The following OPCML variants were observed in gnomAD, a reference collection of about 807,000 sequenced individuals.
OPCML encodes the protein opioid binding protein/cell adhesion molecule like.
Under a neutral mutation model 37.8 loss-of-function variants are expected in OPCML, and 13 were observed. The observed-to-expected ratio is 0.34, with a 90% confidence interval of 0.22 to 0.55. OPCML has a LOEUF of 0.55. OPCML is among the 20% of genes least tolerant of loss of function. OPCML has a pLI of 0.91. For synonymous variants in OPCML, 176 were observed against 168.8 expected (o/e 1.04, Z -0.33); for missense variants, 341 against 435.6 (o/e 0.78, Z 1.93).
At chr11:133,514,800 C>A (rs961898720) in intron 1 of OPCML, among the ~76,000 whole-genome samples, 1 of 152,164 alleles carries the variant, frequency 6.6e-6, no homozygotes, top group African/African-American at 2.4e-5. Context: ...ACTCTCACTC[C>A]TGTGTACCCT....
intron 7 of OPCML, among the ~76,000 whole-genome samples, chr11:132,424,363 C>T (rs2095970816): frequency 6.6e-6 from 1 of 152,122 alleles, no homozygotes; most frequent in South Asian, 2.1e-4. Flanking sequence ...TCGTGATCTG[C>T]CCACCTCAGC....
chr11:133,064,858 C>G (rs1333230019), intron 1 of OPCML: 1 of 152,192 alleles, frequency 6.6e-6, no homozygotes, highest in East Asian at 1.9e-4. Context: ...TTGAACAATA[C>G]AAAGGTCCCT....
chr11:132,436,992 A>C lies in OPCML; in HGVS notation c.644-213T>G, dbSNP rs1285456747. The stretch of plus-strand genomic sequence containing the variant: ...CCCCAACCTCTTTTTCAGGCCTCCA[A>C]ACCCATTCTCAGTTAACAATTCTCT... On this transcript the variant is annotated intron_variant, in intron 5 of 7. Transcript: ENST00000524381. The C allele has an allele frequency of 3.3e-6, 3 of 899,948 alleles. No individual in the cohort carries two copies. The African/African-American group carries it at 5.4e-5, about 16-fold the overall frequency. 55.7% of individuals were successfully genotyped at this position (899,948 alleles called of 1,614,324 possible).
intron 1 of OPCML, among the ~76,000 whole-genome samples, chr11:132,996,372 C>T (rs1946885017): frequency 1.3e-5 from 2 of 151,484 alleles, no homozygotes; most frequent in South Asian, 4.2e-4. Context: ...GTAATCCCAG[C>T]ACTTTGGGGG....
intron 2 of OPCML, among the ~76,000 whole-genome samples, chr11:132,667,878 C>T (rs1942289569): frequency 6.6e-6 from 1 of 152,184 alleles, no homozygotes; most frequent in South Asian, 2.1e-4. Context: ...TTTGTAGTGA[C>T]AATATTCTGC....
chr11:133,411,002 T>C (rs557677071), intron 1 of OPCML, among the ~76,000 whole-genome samples: 142 of 152,300 alleles, frequency 9.3e-4, no homozygotes, highest in African/African-American at 3.3e-3. Context: ...ATCTTCGCAT[T>C]TTGATCTCCC....
At chr11:132,703,751 T>C (rs901847744) in intron 2 of OPCML, among the ~76,000 whole-genome samples, 2 of 152,052 alleles carry the variant, frequency 1.3e-5, no homozygotes, top group Admixed American at 1.3e-4. Context: ...GGAACTTGGG[T>C]CCATGTGAGT....
chr11:132,679,327 A>G (rs1942839887), intron 2 of OPCML, among the ~76,000 whole-genome samples: 1 of 152,218 alleles, frequency 6.6e-6, no homozygotes, highest in Non-Finnish European at 1.5e-5. Context: ...ATTATAGACA[A>G]AAAGGAAAAA....
At chr11:133,231,450 A>T (rs1365790630) in intron 1 of OPCML, among the ~76,000 whole-genome samples, 2 of 152,168 alleles carry the variant, frequency 1.3e-5, no homozygotes, top group Non-Finnish European at 2.9e-5. Flanking sequence ...GTGTTTTAAG[A>T]TTCCTAGGTG....
chr11:132,419,999 C>A lies in OPCML; in HGVS notation c.*194G>T, dbSNP rs923506550. 1 of 394,488 alleles carries A rather than the reference C, an allele frequency of 2.5e-6. No homozygotes were observed. The highest frequency in any genetic ancestry group is 2.1e-5 in the African/African-American group (1 of 47,982). 24.4% of individuals were successfully genotyped at this position (394,488 alleles called of 1,614,324 possible). A position where few individuals can be genotyped will look rare whatever the true frequency, so the allele number is the denominator to read the frequency against. On this transcript the variant is annotated 3_prime_UTR_variant, in exon 8 of 8. Coordinates refer to ENST00000524381, the MANE Select transcript of OPCML (RefSeq NM_001012393.5). Reference sequence around the variant, plus strand: ...ATCCTACACGTGGTAGAACCCTGCCCACCCCGCCCCCAACCCCACTCATTC... The same window carrying A: ...ATCCTACACGTGGTAGAACCCTGCCAACCCCGCCCCCAACCCCACTCATTC...
At chr11:133,260,865 G>C (rs1416273137) in intron 1 of OPCML, among the ~76,000 whole-genome samples, 1 of 132,124 alleles carries the variant, frequency 7.6e-6, no homozygotes, top group Non-Finnish European at 1.6e-5. Context: ...TGATGCCTTA[G>C]TACATAGATT....
chr11:133,491,461 T>C (rs191085681), intron 1 of OPCML, among the ~76,000 whole-genome samples: 104 of 152,238 alleles, frequency 6.8e-4, no homozygotes, highest in Non-Finnish European at 8.4e-4. Context: ...TCTTATTGTG[T>C]GGTTATAGTT....
chr11:133,459,573 C>T (rs561070816), intron 1 of OPCML, among the ~76,000 whole-genome samples: 1 of 151,992 alleles, frequency 6.6e-6, no homozygotes, highest in Admixed American at 6.6e-5. Flanking sequence ...GTGACCAGAG[C>T]AAAAACGGCC....
intron 3 of OPCML, among the ~76,000 whole-genome samples, chr11:132,588,771 C>A (rs969865322): frequency 6.6e-6 from 1 of 152,158 alleles, no homozygotes; most frequent in African/African-American, 2.4e-5. Context: ...AGGGATTGGC[C>A]ACAGCTTCAC....
chr11:132,552,715 T>C (rs1243349974), intron 3 of OPCML, among the ~76,000 whole-genome samples: 1 of 151,236 alleles, frequency 6.6e-6, no homozygotes, highest in Non-Finnish European at 1.5e-5. Flanking sequence ...TCGTTTCCTG[T>C]CTAAAGCATC....
chr11:132,636,044 A>T (rs1349094505), intron 3 of OPCML, among the ~76,000 whole-genome samples: 1 of 152,206 alleles, frequency 6.6e-6, no homozygotes, highest in Non-Finnish European at 1.5e-5. Flanking sequence ...ACAATTGGGC[A>T]TGTGCTTCCA....
intron 4 of OPCML, among the ~76,000 whole-genome samples, chr11:132,520,300 C>G (rs1322428790): frequency 6.6e-6 from 1 of 152,146 alleles, no homozygotes; most frequent in African/African-American, 2.4e-5. Context: ...AAATCAGGAA[C>G]TAGGTTCTTT....
intron 2 of OPCML, among the ~76,000 whole-genome samples, chr11:132,661,543 G>C (rs541090481): frequency 6.6e-6 from 1 of 152,162 alleles, no homozygotes; most frequent in Non-Finnish European, 1.5e-5. Context: ...GTCTGTGGCC[G>C]TGTCCTGGAC....
intron 2 of OPCML, among the ~76,000 whole-genome samples, chr11:132,702,713 G>A (rs530601093): frequency 5.3e-5 from 8 of 152,026 alleles, no homozygotes; most frequent in African/African-American, 1.4e-4. Context: ...TGGCTCACTC[G>A]ATGGTGTCCC....
Sources: gnomAD v4.1 joint callset for allele counts (sites outside exome capture counted in the v4.1 genomes callset) on GRCh38, gnomAD v4.1.1 for gene constraint, MANE v1.5 for transcripts, NCBI Gene and HGNC (gene_info 2026-07-23, HGNC 2026-07-21) for gene names.